ACOT11: variants seen among roughly 807,000 people sequenced by gnomAD.
The protein encoded by ACOT11 is acyl-coenzyme A thioesterase 11.
Under a neutral mutation model 77.5 loss-of-function variants are expected in ACOT11, and 69 were observed. That is an observed-to-expected ratio of 0.89 (90% CI 0.73 to 1.09). The LOEUF is 1.09. Among genes scored for constraint, ACOT11 ranks in the 50% least tolerant of loss-of-function variants. The probability of loss-of-function intolerance (pLI) is 0.00; values close to 1 mark genes in which losing one functional copy is unlikely to be tolerated. For synonymous variants in ACOT11, 279 were observed against 313.0 expected, an observed-to-expected ratio of 0.89 and a Z score of 1.15; for missense variants, 766 against 813.7, an observed-to-expected ratio of 0.94 and a Z score of 0.71.
intron 2 of ACOT11, among the ~76,000 whole-genome samples, chr1:54,585,138 G>C (rs1389022849): frequency 6.6e-6 from 1 of 152,212 alleles, no homozygotes. Flanking sequence ...GGCTGCTTCA[G>C]ATTGGCTTGG....
chr1:54,625,963 A>G (rs1644270059), intron 15 of ACOT11, among the ~76,000 whole-genome samples: 2 of 145,942 alleles, frequency 1.4e-5, no homozygotes, highest in African/African-American at 4.9e-5. Flanking sequence ...AGAAAGAAAG[A>G]AAAAAAGAAA....
rs1569757869 is a variant in ACOT11 at position 54,603,117 on chromosome 1, C to T, written c.1085+393C>T. Among the ~76,000 whole-genome samples, 3 of 152,138 alleles carry T rather than the reference C, an allele frequency of 2.0e-5. No homozygotes were observed. The South Asian group carries it at 6.2e-4, about 32-fold the overall frequency. On this transcript the variant is annotated intron_variant, in intron 10 of 15. Transcript: ENST00000343744. The stretch of plus-strand genomic sequence containing the variant: ...TTTGGGAGGCCGAGGCAGGCAGATC[C>T]CCTGAGTTCAGGAGTTTGAGACTAG...
intron 15 of ACOT11, among the ~76,000 whole-genome samples, chr1:54,630,121 G>C (rs1039753929): frequency 7.5e-6 from 1 of 133,118 alleles, no homozygotes; most frequent in African/African-American, 2.5e-5. Context: ...GGATGGTCTC[G>C]ATCTCTTGAC....
At chr1:54,566,639 G>A (rs1165603408) in intron 1 of ACOT11, among the ~76,000 whole-genome samples, 4 of 152,166 alleles carry the variant, frequency 2.6e-5, no homozygotes, top group Admixed American at 2.0e-4. Context: ...TGGGCTGGGT[G>A]GTTTGTCTGC....
chr1:54,628,228 T>A (rs1196666689), intron 15 of ACOT11: 1 of 133,766 alleles, frequency 7.5e-6, no homozygotes, highest in Non-Finnish European at 1.7e-5. Context: ...CCCAGGGAAG[T>A]GTGTGCCTCA....
chr1:54,551,751 TTTTG>T (rs777397514), intron 1 of ACOT11, among the ~76,000 whole-genome samples: 1 of 151,528 alleles, frequency 6.6e-6, no homozygotes, highest in South Asian at 2.1e-4. Context: ...TTGTTTTTGT[TTTTG>T]TTTTTGTTTT....
rs1027052751 is a variant in ACOT11 at position 54,584,663 on chromosome 1, C to T, written c.42C>T (p.Ala14=). ...NVGNHLRRGL[A]SVFSNRTSRK... ...CCCCACCTGTACCCCAGGGCTTGGC[C>T]TCTGTGTTCTCCAACCGCACATCCC... is the stretch of plus-strand genomic sequence containing the variant. Residue 14 remains alanine, a synonymous_variant, in exon 2 of 16, where the codon GCC becomes GCT. Transcript: ENST00000343744. The surrounding 1 kb of genome is among the most constrained non-coding windows in gnomAD (Gnocchi z 6.3). The T allele has an allele frequency of 6.2e-7, 1 of 1,614,102 alleles. No homozygotes were observed. The highest frequency in any genetic ancestry group is 1.3e-5 in the African/African-American group (1 of 75,044).
intron 1 of ACOT11, among the ~76,000 whole-genome samples, chr1:54,560,592 G>C (rs1049632492): frequency 1.3e-5 from 2 of 152,150 alleles, no homozygotes; most frequent in African/African-American, 2.4e-5. Context: ...GCAGTGGTGC[G>C]ATCATAGCTC....
intron 1 of ACOT11, among the ~76,000 whole-genome samples, chr1:54,567,940 C>T (rs576810504): frequency 1.8e-4 from 28 of 152,334 alleles, no homozygotes; most frequent in Admixed American, 1.1e-3. Context: ...CCCCTACAGC[C>T]TCCAGTTCTT....
intron 1 of ACOT11, chr1:54,582,486 A>G (rs1046874911): frequency 1.3e-5 from 13 of 985,312 alleles, no homozygotes; most frequent in African/African-American, 1.7e-5. Context: ...CAAATGAACC[A>G]GTGAGCAAGG....
At chr1:54,621,592 G>A (rs1644230274) in intron 15 of ACOT11, 1 of 152,278 alleles carries the variant, frequency 6.6e-6, no homozygotes, top group Non-Finnish European at 1.5e-5. Context: ...GGGTTGCTTG[G>A]AAAGATCTGG....
chr1:54,583,511 C>T (rs1654392404), intron 1 of ACOT11, among the ~76,000 whole-genome samples: 1 of 152,138 alleles, frequency 6.6e-6, no homozygotes, highest in Admixed American at 6.5e-5. Context: ...CAGCCAAGCC[C>T]AGGTCCCTGG....
At chr1:54,605,285 T>C (rs1644011864) in intron 13 of ACOT11, 76 bp downstream of exon 13, 1 of 1,534,036 alleles carries the variant, frequency 6.5e-7, no homozygotes, top group Non-Finnish European at 8.7e-7. Context: ...CTTCTGCGGG[T>C]CATCCTCCAT....
At chr1:54,598,021 A>G (rs1643911463) in intron 7 of ACOT11, 1 of 152,952 alleles carries the variant, frequency 6.5e-6, no homozygotes, top group Admixed American at 6.5e-5. Context: ...CACCTCCAAG[A>G]CTTTGCTCTT....
chr1:54,548,297 G>T lies in ACOT11; in HGVS notation c.-13G>T. The T allele has an allele frequency of 6.3e-7, 1 of 1,591,278 alleles. No homozygotes were observed. The highest frequency in any genetic ancestry group is 8.6e-7 in the Non-Finnish European group (1 of 1,169,114). ...CTCTGGGAGGGCGCTGCTTTCCCCG[G>T]CCACCCGGCGCGATGATCCAGAATG... On this transcript the variant is annotated 5_prime_UTR_variant, in exon 1 of 16. Transcript: ENST00000343744.
intron 15 of ACOT11, among the ~76,000 whole-genome samples, chr1:54,619,328 C>G (rs986128673): frequency 3.9e-5 from 6 of 152,220 alleles, no homozygotes; most frequent in African/African-American, 1.4e-4. Flanking sequence ...AGCGTGCACT[C>G]TGGGACTGAC....
Position 54,576,185 on chromosome 1 carries a change from G to T in ACOT11, c.34-8470G>T, listed in dbSNP as rs575912006. 1.4e-4 allele frequency among the ~76,000 whole-genome samples: 22 copies of T among 152,282 alleles called. No individual in the cohort carries two copies. The South Asian group carries it at 4.4e-3, about 30-fold the overall frequency. On this transcript the variant is annotated intron_variant, in intron 1 of 15. Coordinates refer to ENST00000343744, the MANE Select transcript of ACOT11 (RefSeq NM_147161.4). ...AGAAACTACATTCTTGTGTTGAGTT[G>T]TCTCTTTGGAAGGAGGCTTTAGACT... is the stretch of plus-strand genomic sequence containing the variant.
chr1:54,594,284 TG>T (rs1446234395), intron 5 of ACOT11, among the ~76,000 whole-genome samples: 1 of 152,202 alleles, frequency 6.6e-6, no homozygotes, highest in Non-Finnish European at 1.5e-5. Flanking sequence ...CTCACCATTC[TG>T]GTCTCACCAT....
chr1:54,571,061 T>TTCTCTCTCTCTCTCTCTC (rs556109250), intron 1 of ACOT11, among the ~76,000 whole-genome samples: 5 of 149,398 alleles, frequency 3.3e-5, no homozygotes, highest in African/African-American at 1.3e-4. Context: ...AATTATGATA[T>TTCTCTCTCTCTCTCTCTC]TCTCTCTCTC....
Sources: gnomAD v4.1 joint callset for allele counts (sites outside exome capture counted in the v4.1 genomes callset) on GRCh38, gnomAD v4.1.1 for gene constraint, Gnocchi (gnomAD v3.1) non-coding constraint, MANE v1.5 for transcripts, NCBI Gene and HGNC (gene_info 2026-07-23, HGNC 2026-07-21) for gene names.